Variants in LINC00305 observed in about 807,000 individuals in gnomAD.
LINC00305 encodes long intergenic non-protein coding RNA 305.
intron 1 of LINC00305, chr18:64,127,285 G>A (rs2051389560): frequency 6.6e-6 from 1 of 152,020 alleles, no homozygotes; most frequent in Admixed American, 6.6e-5. Flanking sequence ...TTCTGAACAT[G>A]TGCTTTGTGG....
intron 1 of LINC00305, among the ~76,000 whole-genome samples, chr18:64,119,606 A>C (rs2051352791): frequency 6.6e-6 from 1 of 152,134 alleles, no homozygotes; most frequent in Non-Finnish European, 1.5e-5. Flanking sequence ...AAAATTTGTC[A>C]ACAATGCTTT....
intron 1 of LINC00305, among the ~76,000 whole-genome samples, chr18:64,123,236 G>A (rs990078531): frequency 2.0e-5 from 3 of 151,962 alleles, no homozygotes; most frequent in South Asian, 2.1e-4. Context: ...TGGTGAAAGC[G>A]GTTACCTCTT....
At chr18:64,136,300 C>T (rs114203731) in intron 1 of LINC00305, among the ~76,000 whole-genome samples, 1,905 of 152,260 alleles carry the variant, frequency 0.013, 44 homozygotes, top group African/African-American at 0.04. Flanking sequence ...ACTCTGTTCT[C>T]ATGCTGCCAT....
At chr18:64,143,757 GTACACATATTATGCGTACATGTA>G in intron 1 of LINC00305, among the ~76,000 whole-genome samples, 1 of 69,808 alleles carries the variant, frequency 1.4e-5, no homozygotes, top group African/African-American at 5.5e-5. Flanking sequence ...GTACATGTAT[GTACACATATTATGCGTACATGTA>G]TGTACACATA....
intron 3 of LINC00305, among the ~76,000 whole-genome samples, chr18:64,094,470 G>A (rs1490502468): frequency 6.6e-6 from 1 of 152,164 alleles, no homozygotes; most frequent in South Asian, 2.1e-4. Flanking sequence ...TCAGCCCAGG[G>A]AAGATCCTCC....
At chr18:64,108,645 CT>C (rs2051301892) in intron 1 of LINC00305, among the ~76,000 whole-genome samples, 1 of 152,232 alleles carries the variant, frequency 6.6e-6, no homozygotes, top group Non-Finnish European at 1.5e-5. Context: ...AGAAACAACC[CT>C]TATCTGTGCT....
chr18:64,133,810 T>A (rs2051420679), intron 1 of LINC00305, among the ~76,000 whole-genome samples: 1 of 152,180 alleles, frequency 6.6e-6, no homozygotes, highest in South Asian at 2.1e-4. Context: ...AACATGTCAT[T>A]TTCATGGTTT....
In LINC00305 at chr18:64,118,367, C is replaced by A. The variant is rs557384582; in HGVS notation, n.315-19727G>T. ...TTTAACTTGCTTGAGGTAGTACCTA[C>A]TCTTTTGTTTTATAATAACGTTGTG... On this transcript the variant is annotated intron_variant and non_coding_transcript_variant, in intron 1 of 3. Transcript: ENST00000666468. 8.5e-5 allele frequency among the ~76,000 whole-genome samples: 13 copies of A among 152,238 alleles called. No homozygotes were observed. The South Asian group carries it at 2.5e-3, about 29-fold the overall frequency.
chr18:64,136,407 G>A (rs971234514), intron 1 of LINC00305, among the ~76,000 whole-genome samples: 1 of 152,122 alleles, frequency 6.6e-6, no homozygotes, highest in Non-Finnish European at 1.5e-5. Flanking sequence ...TTATAATCAT[G>A]GCAGAAGGCA....
intron 3 of LINC00305, among the ~76,000 whole-genome samples, chr18:64,085,164 C>T (rs1002667681): frequency 6.6e-6 from 1 of 152,206 alleles, no homozygotes; most frequent in Non-Finnish European, 1.5e-5. Context: ...TAAGCTTCCC[C>T]AATCAAGAAG....
chr18:64,128,812 A>C (rs1383142085), intron 1 of LINC00305, among the ~76,000 whole-genome samples: 4 of 152,088 alleles, frequency 2.6e-5, no homozygotes, highest in Non-Finnish European at 5.9e-5. Flanking sequence ...AGATTCCCAC[A>C]ATCCAGCAAA....
intron 1 of LINC00305, among the ~76,000 whole-genome samples, chr18:64,143,702 TGTATGTCCACATATTATGCGTAC>T (rs1261890397): frequency 2.0e-5 from 3 of 151,352 alleles, no homozygotes; most frequent in East Asian, 1.9e-4. Context: ...TATGCGTACA[TGTATGTCCACATATTATGCGTAC>T]ATGTATGTCC....
At chr18:64,090,853 A>G (rs2051222288) in intron 3 of LINC00305, among the ~76,000 whole-genome samples, 1 of 152,226 alleles carries the variant, frequency 6.6e-6, no homozygotes, top group South Asian at 2.1e-4. Context: ...AATCACTGAC[A>G]TGACACCATT....
chr18:64,132,975 A>C (rs1239731254), intron 1 of LINC00305, among the ~76,000 whole-genome samples: 1 of 152,180 alleles, frequency 6.6e-6, no homozygotes, highest in Non-Finnish European at 1.5e-5. Context: ...CGAGAGAATT[A>C]GTGATTCCTC....
At chr18:64,100,912 T>C (rs976395625) in intron 1 of LINC00305, among the ~76,000 whole-genome samples, 1 of 152,114 alleles carries the variant, frequency 6.6e-6, no homozygotes, top group African/African-American at 2.4e-5. Flanking sequence ...GTTTGTATCC[T>C]CATTTATTTT....
At chr18:64,082,711 A>G (rs1454746029) in intron 3 of LINC00305, among the ~76,000 whole-genome samples, 1 of 152,046 alleles carries the variant, frequency 6.6e-6, no homozygotes, top group Non-Finnish European at 1.5e-5. Context: ...TAACTATATT[A>G]TCTTGTTTCT....
intron 1 of LINC00305, among the ~76,000 whole-genome samples, chr18:64,116,853 TACC>T (rs1457983551): frequency 7.9e-5 from 12 of 152,350 alleles, no homozygotes; most frequent in South Asian, 2.1e-4. Flanking sequence ...GCCTTAGGTT[TACC>T]ACGGGCCTTC....
intron 1 of LINC00305, among the ~76,000 whole-genome samples, chr18:64,118,898 A>G (rs952230850): frequency 6.6e-6 from 1 of 151,108 alleles, no homozygotes; most frequent in Non-Finnish European, 1.5e-5. Flanking sequence ...ATAGGATTAC[A>G]CTTCATACAA....
chr18:64,100,874 C>T (rs1231214904), intron 1 of LINC00305, among the ~76,000 whole-genome samples: 3 of 152,110 alleles, frequency 2.0e-5, no homozygotes, highest in Non-Finnish European at 2.9e-5. Context: ...TGAAGAGTGT[C>T]ATGACTCTTC....
Sources: allele counts gnomAD v4.1 joint callset (sites outside exome capture counted in the v4.1 genomes callset), GRCh38; gene constraint gnomAD v4.1.1; transcripts MANE v1.5; gene names NCBI Gene and HGNC (gene_info 2026-07-23, HGNC 2026-07-21).